GRID1: variants seen among roughly 807,000 people sequenced by gnomAD.
The protein encoded by GRID1 is glutamate receptor ionotropic, delta-1.
GRID1 carries 28 observed loss-of-function variants against 98.0 expected under a neutral mutation model. The observed-to-expected ratio is 0.29, with a 90% CI of 0.21 to 0.39. GRID1 has a LOEUF of 0.39. Among genes scored for constraint, GRID1 ranks in the 10% least tolerant of loss-of-function variants. The probability of loss-of-function intolerance (pLI) is 1.00; values close to 1 mark genes in which losing one functional copy is unlikely to be tolerated. For synonymous variants in GRID1, 553 were observed against 538.5 expected (o/e 1.03, Z -0.37); for missense variants, 1,111 against 1,340.5 (o/e 0.83, Z 2.67).
chr10:85,723,369 G>A (rs1841725641), intron 11 of GRID1, among the ~76,000 whole-genome samples: 1 of 152,156 alleles, frequency 6.6e-6, no homozygotes, highest in Admixed American at 6.5e-5. Context: ...AAAAAGTTAG[G>A]ACTGGGCTTC....
At chr10:85,888,650 G>A (rs1841151620) in intron 5 of GRID1, among the ~76,000 whole-genome samples, 1 of 152,182 alleles carries the variant, frequency 6.6e-6, no homozygotes, top group Admixed American at 6.5e-5. Context: ...TGATGGACGT[G>A]TTTAGGTGGG....
chr10:86,051,549 A>T (rs1262858999), intron 4 of GRID1, among the ~76,000 whole-genome samples: 1 of 152,156 alleles, frequency 6.6e-6, no homozygotes, highest in Admixed American at 6.5e-5. Context: ...CTGGTTCAAT[A>T]TTTTCAACAC....
chr10:86,194,117 C>T (rs547828721), intron 3 of GRID1, among the ~76,000 whole-genome samples: 2 of 152,256 alleles, frequency 1.3e-5, no homozygotes, highest in East Asian at 3.9e-4. Flanking sequence ...TGGTAACTGG[C>T]ATCTCATCAC....
chr10:86,071,703 G>A (rs1589360983), intron 4 of GRID1, among the ~76,000 whole-genome samples: 3 of 152,326 alleles, frequency 2.0e-5, no homozygotes, highest in Middle Eastern at 6.8e-3. Context: ...TGCTGAGGGA[G>A]GTGGTGGGGA....
At chr10:86,044,975 T>C (rs1428692291) in intron 4 of GRID1, among the ~76,000 whole-genome samples, 3 of 152,248 alleles carry the variant, frequency 2.0e-5, no homozygotes, top group African/African-American at 4.8e-5. Flanking sequence ...CAGATGTTTA[T>C]TGGCAACTAC....
At chr10:86,019,393 G>A (rs1031171899) in intron 4 of GRID1, among the ~76,000 whole-genome samples, 6 of 152,210 alleles carry the variant, frequency 3.9e-5, no homozygotes, top group African/African-American at 1.4e-4. Context: ...GCTCTCATCA[G>A]GATGTCCATA....
intron 2 of GRID1, among the ~76,000 whole-genome samples, chr10:86,361,348 G>A (rs1848598597): frequency 6.6e-6 from 1 of 152,206 alleles, no homozygotes. Flanking sequence ...CTCATAAAAT[G>A]AAAGTACATG....
intron 8 of GRID1, among the ~76,000 whole-genome samples, chr10:85,839,872 T>C (rs908706069): frequency 6.6e-6 from 1 of 151,686 alleles, no homozygotes; most frequent in African/African-American, 2.4e-5. Context: ...GTTAGACAAA[T>C]AAGAAAACAG....
intron 2 of GRID1, among the ~76,000 whole-genome samples, chr10:86,259,422 G>A (rs886310351): frequency 3.3e-5 from 5 of 152,118 alleles, no homozygotes; most frequent in East Asian, 3.8e-4. Context: ...TAAACAATGC[G>A]TACAGAAAGT....
chr10:86,134,754 C>A (rs1844890539), intron 4 of GRID1, among the ~76,000 whole-genome samples: 1 of 152,190 alleles, frequency 6.6e-6, no homozygotes, highest in Non-Finnish European at 1.5e-5. Context: ...CAAGTTCATT[C>A]CTACAGACCC....
chr10:86,313,739 A>G (rs528980922), intron 2 of GRID1, among the ~76,000 whole-genome samples: 5 of 152,320 alleles, frequency 3.3e-5, no homozygotes, highest in Admixed American at 3.3e-4. Context: ...CCAGCTGAGG[A>G]GCAAGTGAGA....
intron 3 of GRID1, among the ~76,000 whole-genome samples, chr10:86,171,773 G>T (rs1845491368): frequency 6.6e-6 from 1 of 152,196 alleles, no homozygotes; most frequent in African/African-American, 2.4e-5. Flanking sequence ...ACTTGAAATA[G>T]TAATTCTACC....
At chr10:85,961,058 A>G (rs931949200) in intron 4 of GRID1, among the ~76,000 whole-genome samples, 1 of 152,006 alleles carries the variant, frequency 6.6e-6, no homozygotes, top group South Asian at 2.1e-4. Context: ...CAGTCTCAGG[A>G]GTCTCAGAAG....
rs535444069 is a variant in GRID1, at chr10:85,810,704, A to G, written c.1233+43792T>C. Among the ~76,000 whole-genome samples the G allele has an allele frequency of 1.1e-4, 16 of 152,212 alleles. No homozygotes were observed. The South Asian group carries it at 2.7e-3, about 26-fold the overall frequency. On this transcript the variant is annotated intron_variant, in intron 8 of 15. Coordinates refer to ENST00000327946, the MANE Select transcript of GRID1 (RefSeq NM_017551.3). Reference sequence around the variant, plus strand: ...TAAGCTCCCAAGCATCTGCATCATCATATTCCCCATCAGAAAAACAGCCTG... The same window carrying G: ...TAAGCTCCCAAGCATCTGCATCATCGTATTCCCCATCAGAAAAACAGCCTG...
intron 8 of GRID1, among the ~76,000 whole-genome samples, chr10:85,760,872 T>C (rs1362234310): frequency 6.6e-6 from 1 of 152,104 alleles, no homozygotes; most frequent in Admixed American, 6.6e-5. Context: ...CCATCAAACT[T>C]TACCCAAAGC....
chr10:86,186,721 G>A (rs1024256938), intron 3 of GRID1, among the ~76,000 whole-genome samples: 18 of 152,172 alleles, frequency 1.2e-4, no homozygotes, highest in Non-Finnish European at 1.8e-4. Context: ...ACTCAATGCT[G>A]GCATGCAGTG....
chr10:85,739,176 T>C (rs1841915973), intron 8 of GRID1, among the ~76,000 whole-genome samples: 1 of 152,062 alleles, frequency 6.6e-6, no homozygotes, highest in African/African-American at 2.4e-5. Context: ...ACACATACAA[T>C]GATTTGTTAA....
intron 8 of GRID1, among the ~76,000 whole-genome samples, chr10:85,851,984 C>G (rs1002530563): frequency 6.6e-6 from 1 of 152,076 alleles, no homozygotes; most frequent in African/African-American, 2.4e-5. Flanking sequence ...CCGAAACTAC[C>G]ACTCAGCTCT....
chr10:86,061,257 A>G (rs1363648907), intron 4 of GRID1, among the ~76,000 whole-genome samples: 2 of 152,060 alleles, frequency 1.3e-5, no homozygotes, highest in African/African-American at 4.8e-5. Flanking sequence ...AAGAGAACCA[A>G]ATAACAACTC....
Sources: allele counts gnomAD v4.1 joint callset (sites outside exome capture counted in the v4.1 genomes callset), GRCh38; gene constraint gnomAD v4.1.1; transcripts MANE v1.5; gene names NCBI Gene and HGNC (gene_info 2026-07-23, HGNC 2026-07-21).